TAOK1: variants seen among roughly 807,000 people sequenced by gnomAD.
The protein encoded by TAOK1 is TAO kinase 1.
Under a neutral mutation model 138.3 loss-of-function variants are expected in TAOK1, and 21 were observed. The ratio of observed to expected loss-of-function variants is 0.15; its 90% confidence interval spans 0.11 to 0.22. The LOEUF (loss-of-function observed/expected upper bound fraction) is 0.22, where lower values mean the gene tolerates loss of function less well. Among genes scored for constraint, TAOK1 ranks in the 10% least tolerant of loss-of-function variants. The probability of loss-of-function intolerance (pLI) is 1.00; values close to 1 mark genes in which losing one functional copy is unlikely to be tolerated. For synonymous variants in TAOK1, 361 were observed against 398.4 expected, an observed-to-expected ratio of 0.91 and a Z score of 1.12; for missense variants, 651 against 1,227.7, an observed-to-expected ratio of 0.53 and a Z score of 7.02.
At chr17:29,448,940 A>G (rs924937368) in intron 1 of TAOK1, among the ~76,000 whole-genome samples, 4 of 152,194 alleles carry the variant, frequency 2.6e-5, no homozygotes, top group African/African-American at 9.6e-5. Flanking sequence ...CTTTGGGGGC[A>G]TAAAGGGAGA....
intron 13 of TAOK1, among the ~76,000 whole-genome samples, chr17:29,507,657 C>T (rs1202508727): frequency 6.6e-6 from 1 of 152,048 alleles, no homozygotes; most frequent in African/African-American, 2.4e-5. Context: ...TGCTGCATAT[C>T]CTCCAAATAT....
intron 12 of TAOK1, among the ~76,000 whole-genome samples, chr17:29,499,703 G>T (rs576425183): frequency 1.5e-4 from 23 of 151,888 alleles, no homozygotes; most frequent in African/African-American, 5.3e-4. Flanking sequence ...GGGATTACAG[G>T]TGTGCACCAC....
At chr17:29,519,521 A>G (rs560726866) in intron 16 of TAOK1, among the ~76,000 whole-genome samples, 2 of 3,430 alleles carry the variant, frequency 5.8e-4, no homozygotes, top group South Asian at 7.3e-3. Context: ...TGCATCTCAG[A>G]AAAAAAAAGA....
At chr17:29,499,136 C>T (rs2031466972) in intron 12 of TAOK1, among the ~76,000 whole-genome samples, 1 of 150,982 alleles carries the variant, frequency 6.6e-6, no homozygotes, top group Non-Finnish European at 1.5e-5. Flanking sequence ...GAAGGATACA[C>T]ATAAAATGAT....
At chr17:29,494,914 A>T (rs2031383051) in intron 10 of TAOK1, among the ~76,000 whole-genome samples, 1 of 152,136 alleles carries the variant, frequency 6.6e-6, no homozygotes, top group South Asian at 2.1e-4. Context: ...TTTACATGCT[A>T]ACTATGTATC....
intron 7 of TAOK1, among the ~76,000 whole-genome samples, 161 bp from the exon 8 acceptor site, chr17:29,482,036 A>G (rs1176665166): frequency 6.6e-6 from 1 of 152,190 alleles, no homozygotes; most frequent in African/African-American, 2.4e-5. Context: ...TATTTACCTC[A>G]CAACCTGTAA....
chr17:29,486,305 G>T (rs1015211067), intron 8 of TAOK1, among the ~76,000 whole-genome samples: 83 of 152,138 alleles, frequency 5.5e-4, no homozygotes, highest in African/African-American at 1.9e-3. Flanking sequence ...AGAAAAAAAA[G>T]TTTAGTAGTA....
intron 14 of TAOK1, among the ~76,000 whole-genome samples, 183 bp downstream of exon 14, chr17:29,508,315 C>T (rs1188077744): frequency 6.6e-6 from 1 of 152,106 alleles, no homozygotes; most frequent in East Asian, 1.9e-4. Context: ...AAGGGTGGCA[C>T]CTGTGTGTTT....
chr17:29,534,111 G>A lies in TAOK1; in HGVS notation c.2362-7G>A. On this transcript the variant is annotated splice_polypyrimidine_tract_variant and splice_region_variant and intron_variant, in intron 18 of 19. Transcript: ENST00000261716. ...CTTTTTTTTTTCTCTCTCTCTCTCT[G>A]TCTCAGCTGCGTTTGGATGAAGCAC... 3 of 1,576,302 alleles carry A rather than the reference G, an allele frequency of 1.9e-6. No individual in the cohort carries two copies. Among genetic ancestry groups the A allele is most frequent in the African/African-American group, 1.4e-5 (1 of 72,350 alleles).
chr17:29,458,858 G>A (rs530664594), intron 2 of TAOK1, among the ~76,000 whole-genome samples: 9 of 151,786 alleles, frequency 5.9e-5, no homozygotes, highest in Non-Finnish European at 1.2e-4. Flanking sequence ...CCACGCCCAG[G>A]TAATTTTATT....
At chr17:29,448,120 CATAG>C (rs2030141490) in intron 1 of TAOK1, among the ~76,000 whole-genome samples, 2 of 150,980 alleles carry the variant, frequency 1.3e-5, no homozygotes, top group African/African-American at 4.9e-5. Flanking sequence ...GCATGTAGAT[CATAG>C]ATAAGTTTCT....
intron 3 of TAOK1, 126 bp downstream of exon 3, chr17:29,467,342 T>C (rs867818819): frequency 1.5e-5 from 6 of 403,016 alleles, no homozygotes; most frequent in Non-Finnish European, 2.5e-5. Flanking sequence ...GGTGCAATCT[T>C]GGCTCACTGC....
chr17:29,407,746 T>G (rs1905033625), intron 1 of TAOK1, among the ~76,000 whole-genome samples: 1 of 152,106 alleles, frequency 6.6e-6, no homozygotes, highest in Non-Finnish European at 1.5e-5. Context: ...AATGCCCAAC[T>G]GAGGTATCTT....
At chr17:29,492,105 G>A (rs944703797) in intron 10 of TAOK1, among the ~76,000 whole-genome samples, 5 of 151,912 alleles carry the variant, frequency 3.3e-5, no homozygotes, top group East Asian at 1.9e-4. Context: ...GGCTGATATC[G>A]AACTCCTGGG....
chr17:29,461,444 G>A (rs2030529813), intron 2 of TAOK1, among the ~76,000 whole-genome samples: 1 of 152,174 alleles, frequency 6.6e-6, no homozygotes, highest in Non-Finnish European at 1.5e-5. Context: ...CAAAGGAAAT[G>A]TGGCAAAATG....
chr17:29,514,224 A>G (rs933798155), intron 15 of TAOK1: 1 of 152,172 alleles, frequency 6.6e-6, no homozygotes, highest in African/African-American at 2.4e-5. Context: ...GTAATAATTT[A>G]TGTGCTTTTT....
Position 29,405,866 on chromosome 17 carries a change from A to ATT in TAOK1, c.-95+14847_-95+14848dup, listed in dbSNP as rs542326159. Among the ~76,000 whole-genome samples, 6 of 152,268 alleles carry ATT rather than the reference A, an allele frequency of 3.9e-5. No homozygotes were observed. The South Asian group carries it at 1.2e-3, about 32-fold the overall frequency. On this transcript the variant is annotated intron_variant, in intron 1 of 19. Transcript: ENST00000261716. ...CAGCAATGACATACGTATTTCTTAT[A>ATT]TTTTTTGAGTGCAGCATTCTAGGCA...
chr17:29,513,476 A>G (rs2031759642), intron 15 of TAOK1: 1 of 152,226 alleles, frequency 6.6e-6, no homozygotes, highest in Non-Finnish European at 1.5e-5. Context: ...TAGTTTGTTT[A>G]GATAATCCTT....
intron 16 of TAOK1, among the ~76,000 whole-genome samples, chr17:29,521,739 C>G (rs368872695): frequency 2.6e-5 from 4 of 152,220 alleles, no homozygotes; most frequent in Non-Finnish European, 4.4e-5. Context: ...CCCGCCACAA[C>G]GCCTGGCTAA....
Sources: allele counts gnomAD v4.1 joint callset (sites outside exome capture counted in the v4.1 genomes callset), GRCh38; gene constraint gnomAD v4.1.1; transcripts MANE v1.5; gene names NCBI Gene and HGNC (gene_info 2026-07-23, HGNC 2026-07-21).